The following GRIP1 variants were observed in gnomAD, a reference collection of about 807,000 sequenced individuals.
The protein encoded by GRIP1 is glutamate receptor-interacting protein 1.
GRIP1 carries 45 observed loss-of-function variants against 129.9 expected under a neutral mutation model. The ratio of observed to expected loss-of-function variants is 0.35; its 90% confidence interval spans 0.27 to 0.44. GRIP1 has a LOEUF of 0.44. Ranked by LOEUF, GRIP1 falls within the 20% of genes least tolerant of loss-of-function variation. GRIP1 has a pLI of 1.00. For missense variants in GRIP1, 1,196 were observed against 1,396.8 expected, an observed-to-expected ratio of 0.86 and a Z score of 2.29; for synonymous variants, 530 against 520.8, an observed-to-expected ratio of 1.02 and a Z score of -0.24.
Position 66,540,143 on chromosome 12 carries a change from T to C in GRIP1, c.273-920A>G, listed in dbSNP as rs185337702. 2.4e-3 allele frequency among the ~76,000 whole-genome samples: 361 copies of C among 152,364 alleles called. 1 individual carries two copies. The highest frequency in any genetic ancestry group is 7.6e-3 in the African/African-American group (318 of 41,584). ...AACCGCCTAATGCTCTGTAATAACT[T>C]CTGTGCTGTTGCTTTTTGCTATCAT... is the stretch of plus-strand genomic sequence containing the variant. On this transcript the variant is annotated intron_variant, in intron 3 of 24. Coordinates refer to ENST00000359742, the MANE Select transcript of GRIP1 (RefSeq NM_001366722.1).
intron 1 of GRIP1, among the ~76,000 whole-genome samples, chr12:67,034,539 A>C (rs1372985576): frequency 1.3e-5 from 2 of 152,222 alleles, no homozygotes; most frequent in East Asian, 3.9e-4. Context: ...TAAATAGAAT[A>C]TAAAAGATAA....
At chr12:66,460,966 A>T (rs527367944) in intron 9 of GRIP1, among the ~76,000 whole-genome samples, 1 of 152,340 alleles carries the variant, frequency 6.6e-6, no homozygotes, top group Non-Finnish European at 1.5e-5. Flanking sequence ...CTGCTTGATA[A>T]GAAAGACAGT....
chr12:66,466,647 A>G (rs2059295327), intron 7 of GRIP1, among the ~76,000 whole-genome samples: 1 of 152,230 alleles, frequency 6.6e-6, no homozygotes, highest in South Asian at 2.1e-4. Flanking sequence ...ATACAATGGT[A>G]TCTTTTCCAC....
chr12:66,901,333 A>G (rs1018596291), intron 1 of GRIP1, among the ~76,000 whole-genome samples: 13 of 152,234 alleles, frequency 8.5e-5, no homozygotes, highest in Non-Finnish European at 1.6e-4. Context: ...GAAAAAGTGA[A>G]AGCAGAAGTA....
At chr12:66,625,577 T>C (rs2029922419) in intron 1 of GRIP1, among the ~76,000 whole-genome samples, 2 of 152,130 alleles carry the variant, frequency 1.3e-5, no homozygotes. Flanking sequence ...TTTCTGACAG[T>C]AGGTATAAAA....
In GRIP1 at chr12:66,924,197, A is replaced by T. The variant is rs1159989050; in HGVS notation, c.58+144853T>A. Among the ~76,000 whole-genome samples the T allele has an allele frequency of 2.0e-5, 3 of 152,250 alleles. No individual in the cohort carries two copies. In the East Asian group the frequency reaches 5.8e-4, roughly 29 times the overall value. On this transcript the variant is annotated intron_variant, in intron 1 of 1. Coordinates refer to the GRIP1 transcript ENST00000643019. Reference sequence around the variant, plus strand: ...CCTGGAACACAGAAAGCACTGAAACAATTTTAGTTCACACTGTATTTAAGT... The same window carrying T: ...CCTGGAACACAGAAAGCACTGAAACTATTTTAGTTCACACTGTATTTAAGT...
chr12:66,684,364 G>A (rs1365895182), intron 1 of GRIP1, among the ~76,000 whole-genome samples: 1 of 152,110 alleles, frequency 6.6e-6, no homozygotes, highest in Non-Finnish European at 1.5e-5. Flanking sequence ...TTTGACTCCT[G>A]CAACCTCTTC....
At chr12:66,469,494 C>T (rs1456003015) in intron 7 of GRIP1, among the ~76,000 whole-genome samples, 1 of 152,092 alleles carries the variant, frequency 6.6e-6, no homozygotes, top group African/African-American at 2.4e-5. Context: ...ATAACAATAT[C>T]CTTTAAAGAC....
chr12:66,445,561 T>C (rs2058599197), intron 11 of GRIP1, 53 bp from the exon 12 acceptor site: 2 of 1,324,776 alleles, frequency 1.5e-6, no homozygotes, highest in Non-Finnish European at 2.1e-6. Context: ...GCACCAGGAA[T>C]ACCAGCATTT....
At chr12:66,981,355 C>T (rs1401707462) in intron 1 of GRIP1, among the ~76,000 whole-genome samples, 2 of 152,190 alleles carry the variant, frequency 1.3e-5, no homozygotes, top group African/African-American at 2.4e-5. Context: ...TTCAAAACTA[C>T]ATTTTTACAT....
At chr12:66,653,666 C>T (rs1445487418) in intron 1 of GRIP1, among the ~76,000 whole-genome samples, 1 of 152,166 alleles carries the variant, frequency 6.6e-6, no homozygotes, top group Non-Finnish European at 1.5e-5. Flanking sequence ...TTGGCAGATG[C>T]ACTGTAAACC....
intron 1 of GRIP1, among the ~76,000 whole-genome samples, chr12:66,697,184 A>G (rs1172196865): frequency 6.6e-6 from 1 of 152,214 alleles, no homozygotes; most frequent in African/African-American, 2.4e-5. Flanking sequence ...CAAAAGGACT[A>G]AAATCTAAAG....
upstream of GRIP1, among the ~76,000 whole-genome samples, chr12:66,807,584 G>T (rs1343691773): frequency 2.0e-5 from 3 of 152,088 alleles, no homozygotes; most frequent in Non-Finnish European, 4.4e-5. Context: ...TGAGGCAAGA[G>T]AATGGCGTGA....
chr12:66,380,150 T>G (rs568364279), intron 19 of GRIP1, among the ~76,000 whole-genome samples: 43 of 152,258 alleles, frequency 2.8e-4, no homozygotes, highest in Admixed American at 1.9e-3. Flanking sequence ...CCTCAGGTGA[T>G]CCACCCACCT....
At chr12:66,649,465 A>T (rs976358478) in intron 1 of GRIP1, among the ~76,000 whole-genome samples, 1 of 152,204 alleles carries the variant, frequency 6.6e-6, no homozygotes, top group Admixed American at 6.5e-5. Flanking sequence ...TCAATTAAAC[A>T]CACAATTATT....
At chr12:66,786,861 T>C (rs1227464271) in intron 1 of GRIP1, among the ~76,000 whole-genome samples, 4 of 152,168 alleles carry the variant, frequency 2.6e-5, no homozygotes. Context: ...ACTGACCTAA[T>C]ACAATATAAT....
chr12:66,531,252 A>AAATATATATATATAT (rs1565833708), intron 4 of GRIP1, among the ~76,000 whole-genome samples: 1 of 19,476 alleles, frequency 5.1e-5, no homozygotes, highest in Non-Finnish European at 7.5e-5. Context: ...AAAAAAAAAA[A>AAATATATATATATAT]ATATATATAT....
At chr12:66,882,427 G>GA (rs1168564589) in intron 1 of GRIP1, among the ~76,000 whole-genome samples, 2 of 152,050 alleles carry the variant, frequency 1.3e-5, no homozygotes, top group Admixed American at 1.3e-4. Context: ...TGGAACAGGA[G>GA]AAAAAAGAGG....
chr12:66,805,668 T>C (rs138096830), upstream of GRIP1, among the ~76,000 whole-genome samples: 973 of 152,322 alleles, frequency 6.4e-3, 12 homozygotes, highest in Non-Finnish European at 7.7e-3. Context: ...CACAAGCAAT[T>C]TGTCTGTCTT....
Sources: gnomAD v4.1 joint callset for allele counts (sites outside exome capture counted in the v4.1 genomes callset) on GRCh38, gnomAD v4.1.1 for gene constraint, MANE v1.5 for transcripts, NCBI Gene and HGNC (gene_info 2026-07-23, HGNC 2026-07-21) for gene names.